PPEF2: variants seen among roughly 807,000 people sequenced by gnomAD.
PPEF2 encodes serine/threonine-protein phosphatase with EF-hands 2.
In PPEF2, 84 loss-of-function variants were observed where a neutral mutation model predicts 84.7. The ratio of observed to expected loss-of-function variants is 0.99; its 90% CI spans 0.83 to 1.19. PPEF2 has a LOEUF of 1.19. Ranked by LOEUF, PPEF2 falls within the 50% of genes most tolerant of loss-of-function variation. The pLI, the probability that PPEF2 is intolerant of heterozygous loss-of-function variation, is 0.00. For missense variants in PPEF2, 924 were observed against 937.5 expected (o/e 0.99, Z 0.19); for synonymous variants, 346 against 345.2 (o/e 1.00, Z -0.03).
At chr4:75,880,326 A>G (rs1724538060) in intron 10 of PPEF2, among the ~76,000 whole-genome samples, 1 of 152,206 alleles carries the variant, frequency 6.6e-6, no homozygotes, top group South Asian at 2.1e-4. Flanking sequence ...ACTGAGGCAC[A>G]AAATACTAAG....
rs1353027887 is a variant in PPEF2, at chr4:75,876,365, C to A, written c.1242G>T (p.Glu414Asp). 20 of 1,614,020 alleles carry A rather than the reference C, an allele frequency of 1.2e-5. No individual in the cohort carries two copies. Among genetic ancestry groups the A allele is most frequent in the Non-Finnish European group, 1.4e-5 (17 of 1,180,048 alleles). Residue 414 changes from glutamate to aspartate, a missense_variant, in exon 11 of 17, where the codon GAG becomes GAT. Glu to Asp is a conservative substitution (Grantham distance 45). Transcript: ENST00000286719. The stretch of plus-strand genomic sequence containing the variant: ...CTTCTGAGGCTGAGCGGGAGGGCTC[C>A]TCTTTCTCTCCGGTCACCAGGAGGC... ...QAGLLVTGEK[E>D]EPSRSASEAD...
intron 13 of PPEF2, among the ~76,000 whole-genome samples, chr4:75,868,315 CAAAA>C (rs10646136): frequency 1.8e-5 from 1 of 55,708 alleles, no homozygotes; most frequent in Non-Finnish European, 3.1e-5. Flanking sequence ...GACCCTGTCT[CAAAA>C]AAAAAAAAAA....
rs750754890 is a variant in PPEF2, at chr4:75,890,083, G to T, written c.291C>A (p.Ser97=). The T allele has an allele frequency of 2.5e-6, 4 of 1,614,078 alleles. No homozygotes were observed. The highest frequency in any genetic ancestry group is 3.4e-6 in the Non-Finnish European group (4 of 1,180,020). ...IFTEDRFAQD[S]EMKKCSDYES... is the part of the protein sequence containing the mutation. ...CATAGTCACTGCATTTCTTCATCTC[G>T]GAGTCCTGGGCGAATCTGTCCTCAG... is the stretch of plus-strand genomic sequence containing the variant. The change falls in exon 5 of 17, where the codon TCC becomes TCA. Residue 97 remains serine, a synonymous_variant. Transcript: ENST00000286719.
In PPEF2 at chr4:75,896,258, G is replaced by A. The variant is rs1560489450; in HGVS notation, c.55+13C>T. The A allele has an allele frequency of 6.2e-7, 1 of 1,613,348 alleles. No individual in the cohort carries two copies. Among genetic ancestry groups the A allele is most frequent in the Non-Finnish European group, 8.5e-7 (1 of 1,179,304 alleles). On this transcript the variant is annotated intron_variant, in intron 2 of 16. Coordinates refer to ENST00000286719, the MANE Select transcript of PPEF2 (RefSeq NM_006239.3). ...GGTACCCACAGCTGGTTTGGAAAGT[G>A]GGAAACACGTACCTCTCTCTGCATT...
intron 4 of PPEF2, among the ~76,000 whole-genome samples, chr4:75,890,800 T>G (rs980151498): frequency 6.6e-6 from 1 of 152,218 alleles, no homozygotes; most frequent in African/African-American, 2.4e-5. Context: ...GGCAGTGCCT[T>G]CCAGCAGCTT....
intron 16 of PPEF2, among the ~76,000 whole-genome samples, 168 bp downstream of exon 16, chr4:75,864,272 C>T (rs1424888049): frequency 6.6e-6 from 1 of 152,194 alleles, no homozygotes; most frequent in Non-Finnish European, 1.5e-5. Context: ...GCTGCTGATA[C>T]TACTCAAGTA....
intron 11 of PPEF2, 142 bp downstream of exon 11, chr4:75,876,145 G>T: frequency 9.5e-7 from 1 of 1,056,708 alleles, no homozygotes; most frequent in Non-Finnish European, 1.3e-6. Flanking sequence ...GAGTCATTAG[G>T]CAAATACTAG....
intron 16 of PPEF2, 141 bp from the exon 17 acceptor site, chr4:75,861,061 G>A: frequency 9.7e-7 from 1 of 1,026,958 alleles, no homozygotes; most frequent in Non-Finnish European, 1.4e-6. Context: ...AAACTCCCAA[G>A]AGGATCACAC....
At chr4:75,897,095 C>A (rs369879664) in intron 1 of PPEF2, among the ~76,000 whole-genome samples, 1 of 152,030 alleles carries the variant, frequency 6.6e-6, no homozygotes, top group Non-Finnish European at 1.5e-5. Flanking sequence ...CCTTGTGATC[C>A]GCTTGCCTCG....
chr4:75,886,287 CTG>C (rs1724721208), intron 7 of PPEF2, among the ~76,000 whole-genome samples: 1 of 152,204 alleles, frequency 6.6e-6, no homozygotes, highest in African/African-American at 2.4e-5. Context: ...AGCCAGTCTC[CTG>C]CCATCCCCGC....
At chr4:75,881,037 T>C (rs1338157505) in intron 10 of PPEF2, among the ~76,000 whole-genome samples, 1 of 151,742 alleles carries the variant, frequency 6.6e-6, no homozygotes, top group African/African-American at 2.4e-5. Context: ...CCTGACCTCG[T>C]GATCCACCCA....
At chr4:75,872,985 AC>A in intron 12 of PPEF2, 141 bp downstream of exon 12, 1 of 736,088 alleles carries the variant, frequency 1.4e-6, no homozygotes, top group Non-Finnish European at 2.2e-6. Flanking sequence ...ACTGTAAAGG[AC>A]CTAGTTGCTT....
At chr4:75,889,816 G>T in intron 5 of PPEF2, 141 bp downstream of exon 5, 1 of 913,016 alleles carries the variant, frequency 1.1e-6, no homozygotes, top group Non-Finnish European at 1.7e-6. Context: ...TCCTGGCTAA[G>T]CACAGCAGGG....
chr4:75,863,076 T>G (rs78685166), intron 16 of PPEF2, among the ~76,000 whole-genome samples: 1 of 152,178 alleles, frequency 6.6e-6, no homozygotes, highest in East Asian at 1.9e-4. Context: ...TTATATCAAA[T>G]GTCCAGAACA....
chr4:75,883,112 A>G, intron 9 of PPEF2, 37 bp from the exon 10 acceptor site: 1 of 1,613,658 alleles, frequency 6.2e-7, no homozygotes, highest in Non-Finnish European at 8.5e-7. Context: ...TTATCAAATA[A>G]TTCACTCAAC....
chr4:75,869,366 C>T (rs755143963), intron 13 of PPEF2, among the ~76,000 whole-genome samples: 1 of 152,154 alleles, frequency 6.6e-6, no homozygotes, highest in Non-Finnish European at 1.5e-5. Context: ...GAAGAAAGAA[C>T]GATAACATGA....
chr4:75,870,873 GCTA>G (rs1249276288), intron 13 of PPEF2, among the ~76,000 whole-genome samples: 4 of 44,706 alleles, frequency 8.9e-5, no homozygotes, highest in Admixed American at 4.0e-4. Context: ...CATCTCAAAA[GCTA>G]CCATTTATTT....
intron 13 of PPEF2, among the ~76,000 whole-genome samples, chr4:75,868,580 C>A (rs936713202): frequency 6.6e-6 from 1 of 151,868 alleles, no homozygotes; most frequent in Non-Finnish European, 1.5e-5. Flanking sequence ...CCTATGGTCC[C>A]AGCTACTTGG....
rs201913282 is a variant in PPEF2 at position 75,888,316 on chromosome 4, G to T, written c.430C>A (p.Arg144Ser). The change falls in exon 6 of 17, where the codon CGC becomes AGC. Residue 144 changes from arginine (R) to serine (S), a missense_variant. By Grantham distance (110) the Arg-to-Ser change is moderately radical. Transcript: ENST00000286719. Reference sequence around the variant, plus strand: ...TCATACAAAAGGTTCAAGACGTAGCGAGCATGGAGCTGCTACTGGGAGGAA... The same window carrying T: ...TCATACAAAAGGTTCAAGACGTAGCTAGCATGGAGCTGCTACTGGGAGGAA... ...AFRLKQQLHA[R>S]YVLNLLYETK... The T allele has an allele frequency of 2.5e-6, 4 of 1,612,480 alleles. No individual in the cohort carries two copies. In the East Asian group the frequency reaches 8.9e-5, roughly 36 times the overall value.
Sources: allele counts gnomAD v4.1 joint callset (sites outside exome capture counted in the v4.1 genomes callset), GRCh38; gene constraint gnomAD v4.1.1; transcripts MANE v1.5; gene names NCBI Gene and HGNC (gene_info 2026-07-23, HGNC 2026-07-21).